LRRTM4: variants seen among roughly 807,000 people sequenced by gnomAD.
LRRTM4 encodes the protein leucine-rich repeat transmembrane neuronal protein 4.
A neutral mutation model predicts 47.6 loss-of-function variants in LRRTM4; 25 were observed. That is an observed-to-expected ratio of 0.53 (90% CI 0.38 to 0.73). LRRTM4 has a LOEUF of 0.73. LRRTM4 is among the 30% of genes least tolerant of loss of function. The probability of loss-of-function intolerance (pLI) is 0.00; values close to 1 mark genes in which losing one functional copy is unlikely to be tolerated. For missense variants in LRRTM4, 638 were observed against 713.4 expected (o/e 0.89, Z 1.20); for synonymous variants, 311 against 269.5 (o/e 1.15, Z -1.51).
At chr2:76,784,439 A>G (rs1674564846) in intron 3 of LRRTM4, among the ~76,000 whole-genome samples, 1 of 152,080 alleles carries the variant, frequency 6.6e-6, no homozygotes, top group Non-Finnish European at 1.5e-5. Flanking sequence ...AACACACACA[A>G]GTACATGTCT....
intron 3 of LRRTM4, among the ~76,000 whole-genome samples, chr2:77,409,783 A>G (rs393564): frequency 0.27 from 41,593 of 152,052 alleles, 6,647 homozygotes; most frequent in Non-Finnish European, 0.36. Context: ...TTGACTGAAG[A>G]AGTTTAAGGA....
intron 3 of LRRTM4, among the ~76,000 whole-genome samples, chr2:77,179,690 GA>G: frequency 6.6e-6 from 1 of 152,080 alleles, no homozygotes; most frequent in Non-Finnish European, 1.5e-5. Context: ...TCAGCTGGAG[GA>G]AAAAAGATGA....
chr2:77,384,153 T>C (rs1015067097), intron 3 of LRRTM4, among the ~76,000 whole-genome samples: 1 of 152,070 alleles, frequency 6.6e-6, no homozygotes, highest in African/African-American at 2.4e-5. Flanking sequence ...TTAAGCTCTA[T>C]GATAGAGCCA....
intron 3 of LRRTM4, among the ~76,000 whole-genome samples, chr2:77,337,458 C>A (rs1379344047): frequency 6.6e-6 from 1 of 152,030 alleles, no homozygotes; most frequent in African/African-American, 2.4e-5. Flanking sequence ...ATTGTAATCC[C>A]AATAATCTCC....
chr2:77,438,129 T>C (rs754581477), intron 3 of LRRTM4, among the ~76,000 whole-genome samples: 1 of 152,164 alleles, frequency 6.6e-6, no homozygotes, highest in Non-Finnish European at 1.5e-5. Flanking sequence ...CAAGAATATT[T>C]ACAAACCACA....
chr2:76,837,993 G>A (rs549921103), intron 3 of LRRTM4, among the ~76,000 whole-genome samples: 6 of 151,622 alleles, frequency 4.0e-5, no homozygotes, highest in Admixed American at 1.3e-4. Flanking sequence ...GCTAAATGAC[G>A]AGTTAATGGG....
rs1038187593 is a variant in LRRTM4 at position 77,071,091 on chromosome 2, G to A, written c.1552-322175C>T. On this transcript the variant is annotated intron_variant, in intron 3 of 3. Transcript: ENST00000409884. Reference sequence around the variant, plus strand: ...ACATCCTTTGGGAATAGTACACGTAGGTAAACACAAGAGGATAAAGAGTAT... The same window carrying A: ...ACATCCTTTGGGAATAGTACACGTAAGTAAACACAAGAGGATAAAGAGTAT... Among the ~76,000 whole-genome samples, 7 of 151,810 alleles carry A rather than the reference G, an allele frequency of 4.6e-5. No individual in the cohort carries two copies. In the South Asian group the frequency reaches 1.5e-3, roughly 32 times the overall value.
At chr2:77,285,887 G>A (rs1257972987) in intron 3 of LRRTM4, among the ~76,000 whole-genome samples, 2 of 152,010 alleles carry the variant, frequency 1.3e-5, no homozygotes, top group Non-Finnish European at 2.9e-5. Context: ...ATATTGGTTA[G>A]TAACACTAAT....
chr2:76,833,429 T>A (rs1186185917), intron 3 of LRRTM4, among the ~76,000 whole-genome samples: 2 of 152,038 alleles, frequency 1.3e-5, no homozygotes, highest in Non-Finnish European at 2.9e-5. Flanking sequence ...AAACTAGATA[T>A]AAAGAAAGTT....
chr2:77,053,791 TAA>T (rs1382829041), intron 3 of LRRTM4, among the ~76,000 whole-genome samples: 3 of 152,142 alleles, frequency 2.0e-5, no homozygotes, highest in Non-Finnish European at 2.9e-5. Context: ...AATTTTGAGC[TAA>T]AAGAGATTTA....
At chr2:76,945,468 T>G (rs984603839) in intron 3 of LRRTM4, among the ~76,000 whole-genome samples, 1 of 151,972 alleles carries the variant, frequency 6.6e-6, no homozygotes, top group Non-Finnish European at 1.5e-5. Context: ...TCATGGCAAA[T>G]GTGCAATGGA....
At chr2:76,951,783 C>G (rs1467690520) in intron 3 of LRRTM4, among the ~76,000 whole-genome samples, 8 of 151,642 alleles carry the variant, frequency 5.3e-5, no homozygotes, top group African/African-American at 1.7e-4. Context: ...CCTCCCCTTG[C>G]TCCCCTCCCC....
chr2:76,807,452 A>ATC (rs1670545431), intron 3 of LRRTM4, among the ~76,000 whole-genome samples: 1 of 101,580 alleles, frequency 9.8e-6, no homozygotes, highest in Non-Finnish European at 1.8e-5. Flanking sequence ...ATACATATAT[A>ATC]TATATACATA....
intron 3 of LRRTM4, among the ~76,000 whole-genome samples, chr2:77,352,816 A>G (rs1029869063): frequency 2.6e-5 from 4 of 152,108 alleles, no homozygotes; most frequent in Non-Finnish European, 4.4e-5. Context: ...GAAGACTAAT[A>G]GAGAAACAAA....
At chr2:76,961,880 T>C (rs1675872469) in intron 3 of LRRTM4, among the ~76,000 whole-genome samples, 1 of 151,320 alleles carries the variant, frequency 6.6e-6, no homozygotes, top group Non-Finnish European at 1.5e-5. Context: ...AACCTTAAAG[T>C]TGAGAAATAA....
At chr2:77,255,926 C>G (rs534000345) in intron 3 of LRRTM4, among the ~76,000 whole-genome samples, 35 of 151,774 alleles carry the variant, frequency 2.3e-4, no homozygotes, top group Non-Finnish European at 4.3e-4. Context: ...ACAACAGAAG[C>G]CAAAACCAAT....
intron 3 of LRRTM4, among the ~76,000 whole-genome samples, chr2:76,809,438 A>G (rs934090999): frequency 2.0e-5 from 3 of 152,080 alleles, no homozygotes; most frequent in Non-Finnish European, 4.4e-5. Context: ...GGACTCTTCC[A>G]TGACTCTTCA....
At chr2:77,344,611 G>T (rs911231968) in intron 3 of LRRTM4, among the ~76,000 whole-genome samples, 6 of 151,612 alleles carry the variant, frequency 4.0e-5, no homozygotes, top group African/African-American at 1.5e-4. Flanking sequence ...GAAAGATTAT[G>T]ATATGGAAAA....
At chr2:77,419,351 GA>G (rs1452108192) in intron 3 of LRRTM4, among the ~76,000 whole-genome samples, 1 of 152,128 alleles carries the variant, frequency 6.6e-6, no homozygotes, top group Non-Finnish European at 1.5e-5. Context: ...ATCTATGGGG[GA>G]TTGGTTCCAG....
Sources: allele counts gnomAD v4.1 joint callset (sites outside exome capture counted in the v4.1 genomes callset), GRCh38; gene constraint gnomAD v4.1.1; transcripts MANE v1.5; gene names NCBI Gene and HGNC (gene_info 2026-07-23, HGNC 2026-07-21).